Variants in CYBA observed in about 807,000 individuals in gnomAD.
CYBA encodes cytochrome b-245 alpha chain.
A neutral mutation model predicts 20.8 loss-of-function variants in CYBA; 21 were observed. The observed-to-expected ratio is 1.01, with a 90% CI of 0.72 to 1.46. CYBA has a LOEUF of 1.46. Ranked by LOEUF, CYBA falls within the 40% of genes most tolerant of loss-of-function variation. CYBA has a pLI of 0.00. For synonymous variants in CYBA, 164 were observed against 127.5 expected (o/e 1.29, Z -1.93); for missense variants, 344 against 287.0 (o/e 1.20, Z -1.43).
chr16:88,648,658 C>T (rs1907382338), intron 1 of CYBA, among the ~76,000 whole-genome samples: 1 of 151,164 alleles, frequency 6.6e-6, no homozygotes, highest in African/African-American at 2.4e-5. Flanking sequence ...TGCTCTGTCA[C>T]CCAGGCTGGA....
At position 88,644,971 on chromosome 16, in the gene CYBA, C is replaced by G. The variant is rs1907221593; in HGVS notation, c.369+1145G>C. On this transcript the variant is annotated intron_variant, in intron 5 of 5. Transcript: ENST00000261623. ...GAGTCCAAGCTCCACACGGCCAGCTCGTGCTGTGAAACTGGCAAGCGTGGG... is the reference window on the plus strand; with the variant it reads ...GAGTCCAAGCTCCACACGGCCAGCTGGTGCTGTGAAACTGGCAAGCGTGGG... 16 of 597,466 alleles carry G rather than the reference C, an allele frequency of 2.7e-5. 1 individual carries two copies. The South Asian group carries it at 3.2e-4, about 12-fold the overall frequency. The allele number at this position is 597,466 out of a possible 1,614,324, so 37.0% of individuals were successfully genotyped here. A position where few individuals can be genotyped will look rare whatever the true frequency, so the allele number is the denominator to read the frequency against.
Position 88,646,797 on chromosome 16 carries a change from G to C in CYBA, c.245C>G (p.Pro82Arg), listed in dbSNP as rs1907301852. Reference protein sequence around the residue: ...YMTAVVKLFGPFTRNYYVRAV... With the variant: ...YMTAVVKLFGRFTRNYYVRAV... ...CCGAACATAGTAATTCCTGGTAAAG[G>C]GCCCGAACAGCTTCACCACGGCGGT... Residue 82 changes from proline (P) to arginine (R), a missense_variant, in exon 4 of 6, where the codon CCC becomes CGC. By Grantham distance (103) the Pro-to-Arg change is moderately radical. Coordinates refer to ENST00000261623, the MANE Select transcript of CYBA (RefSeq NM_000101.4). 2 of 1,613,842 alleles carry C rather than the reference G, an allele frequency of 1.2e-6. No homozygotes were observed. The highest frequency in any genetic ancestry group is 8.5e-7 in the Non-Finnish European group (1 of 1,179,990).
In CYBA at chr16:88,648,079, G is replaced by T. The variant is rs568138482; in HGVS notation, c.94C>A (p.Arg32Ser). Residue 32 changes from arginine to serine, a missense_variant, in exon 2 of 6, where the codon CGC (arginine) becomes AGC (serine). Coordinates refer to ENST00000261623, the MANE Select transcript of CYBA (RefSeq NM_000101.4). ...ITGGIVATAG[R>S]FTQWYFGAYS... ...GCACCAAAGTACCACTGGGTGAAGC[G>T]CCCAGCTGTGGCCACGATGCCCCCG... 1 of 1,613,040 alleles carries T rather than the reference G, an allele frequency of 6.2e-7. No individual in the cohort carries two copies.
intron 5 of CYBA, among the ~76,000 whole-genome samples, chr16:88,644,318 C>T (rs145001042): frequency 2.8e-3 from 429 of 152,238 alleles, no homozygotes; most frequent in African/African-American, 8.9e-3. Flanking sequence ...AAGGCAGGAA[C>T]GTGAAGGCAG....
At chr16:88,648,410 T>A (rs1321934356) in intron 1 of CYBA, among the ~76,000 whole-genome samples, 1 of 150,164 alleles carries the variant, frequency 6.7e-6, no homozygotes, top group African/African-American at 2.4e-5. Context: ...GACCCCCAAA[T>A]GGACCCCCTT....
chr16:88,647,076 G>C, intron 3 of CYBA, 25 bp downstream of exon 3: 1 of 1,601,148 alleles, frequency 6.2e-7, no homozygotes, highest in East Asian at 2.2e-5. Flanking sequence ...CCCCCGGAGA[G>C]ACCCCAGAGC....
intron 1 of CYBA, among the ~76,000 whole-genome samples, chr16:88,648,653 T>C (rs991844840): frequency 9.2e-5 from 14 of 151,532 alleles, no homozygotes; most frequent in African/African-American, 2.9e-4. Flanking sequence ...AGTCTTGCTC[T>C]GTCACCCAGG....
chr16:88,645,650 C>A, intron 5 of CYBA: 1 of 589,578 alleles, frequency 1.7e-6, no homozygotes, highest in South Asian at 2.0e-5. Context: ...TAACAGGGTG[C>A]AGCAGTCATA....
In CYBA at chr16:88,643,674, G is replaced by A; in HGVS notation, c.370-103C>T. Reference sequence around the variant, plus strand: ...GCTAGGGGCCCTGGGACAGGCTCAAGTCTGAATCCCACGCAGGATGGTGTG... The same window carrying A: ...GCTAGGGGCCCTGGGACAGGCTCAAATCTGAATCCCACGCAGGATGGTGTG... On this transcript the variant is annotated intron_variant, in intron 5 of 5. Coordinates refer to ENST00000261623, the MANE Select transcript of CYBA (RefSeq NM_000101.4). This position sits in a 1 kb window ranked among gnomAD's most constrained non-coding sequence, Gnocchi z 4.3. 9.2e-7 allele frequency: 1 copy of A among 1,081,346 alleles called. No individual in the cohort carries two copies. Among genetic ancestry groups the A allele is most frequent in the Non-Finnish European group, 1.3e-6 (1 of 754,664 alleles). The allele number at this position is 1,081,346 out of a possible 1,614,324, so 67.0% of individuals were successfully genotyped here.
At chr16:88,646,263 G>A in intron 4 of CYBA, 66 bp from the exon 5 acceptor site, 3 of 814,164 alleles carry the variant, frequency 3.7e-6, no homozygotes, top group South Asian at 2.5e-5. Flanking sequence ...GGAGCCCCAG[G>A]TCTGGGGGCC....
chr16:88,645,796 T>G lies in CYBA; in HGVS notation c.369+320A>C, dbSNP rs1399971297. On this transcript the variant is annotated intron_variant, in intron 5 of 5. Transcript: ENST00000261623. Reference sequence around the variant, plus strand: ...CAGGCACGGTCTTCGGCCGGCTGCGTGACCCCAGGCCAGTCACAGCACCTC... The same window carrying G: ...CAGGCACGGTCTTCGGCCGGCTGCGGGACCCCAGGCCAGTCACAGCACCTC... The G allele has an allele frequency of 7.4e-6, 4 of 543,990 alleles. No homozygotes were observed. The African/African-American group carries it at 7.5e-5, about 10-fold the overall frequency. 33.7% of individuals were successfully genotyped at this position (543,990 alleles called of 1,614,324 possible). A position where few individuals can be genotyped will look rare whatever the true frequency, so the allele number is the denominator to read the frequency against.
At chr16:88,646,999 G>C in intron 3 of CYBA, 102 bp downstream of exon 3, 2 of 1,267,548 alleles carry the variant, frequency 1.6e-6, no homozygotes, top group Non-Finnish European at 2.2e-6. Context: ...CAAAGGGTTG[G>C]TTCCGGAGCC....
In CYBA at chr16:88,643,630, C is replaced by T. The variant is rs1268094750; in HGVS notation, c.370-59G>A. ...GCGCCCGCCCTCCCTCCCTCCCTCC[C>T]TCCCCGGAGGCCCACCCCGCTAGGG... is the stretch of plus-strand genomic sequence containing the variant. On this transcript the variant is annotated intron_variant, in intron 5 of 5. Transcript: ENST00000261623. This position sits in a 1 kb window ranked among gnomAD's most constrained non-coding sequence, Gnocchi z 4.3. The T allele has an allele frequency of 2.0e-6, 3 of 1,471,504 alleles. No individual in the cohort carries two copies. Among genetic ancestry groups the T allele is most frequent in the South Asian group, 2.4e-5 (2 of 82,428 alleles). 91.2% of individuals were successfully genotyped at this position (1,471,504 alleles called of 1,614,324 possible).
intron 2 of CYBA, chr16:88,647,763 C>G: frequency 1.8e-6 from 1 of 542,946 alleles, no homozygotes; most frequent in Non-Finnish European, 3.3e-6. Flanking sequence ...GGGATCCCAG[C>G]AGTCCAACAG....
At chr16:88,650,358 C>G in intron 1 of CYBA, 3 of 456,684 alleles carry the variant, frequency 6.6e-6, no homozygotes, top group South Asian at 4.6e-5. Flanking sequence ...AGGAGGGTGA[C>G]TGGGGGCTGT....
At chr16:88,646,939 T>A in intron 3 of CYBA, 101 bp from the exon 4 acceptor site, 1 of 1,234,056 alleles carries the variant, frequency 8.1e-7, no homozygotes, top group Non-Finnish European at 1.2e-6. Context: ...GCCTCTTTCC[T>A]CCCACAAAAC....
At chr16:88,648,590 G>T (rs987022517) in intron 1 of CYBA, among the ~76,000 whole-genome samples, 4 of 151,880 alleles carry the variant, frequency 2.6e-5, no homozygotes. Context: ...CACATTTTTG[G>T]GGGGGTATTG....
At chr16:88,646,068 G>A in intron 5 of CYBA, 48 bp downstream of exon 5, 5 of 1,475,588 alleles carry the variant, frequency 3.4e-6, no homozygotes, top group Non-Finnish European at 4.6e-6. Context: ...TCAGGGCAGG[G>A]GCTGGGGATG....
At chr16:88,645,117 C>T (rs1277183088) in intron 5 of CYBA, 1 of 695,270 alleles carries the variant, frequency 1.4e-6, no homozygotes, top group East Asian at 2.7e-5. Flanking sequence ...CCCAGCAATT[C>T]CTCTCTGGGT....
Sources: allele counts gnomAD v4.1 joint callset (sites outside exome capture counted in the v4.1 genomes callset), GRCh38; gene constraint gnomAD v4.1.1; non-coding constraint Gnocchi (gnomAD v3.1); transcripts MANE v1.5; gene names NCBI Gene and HGNC (gene_info 2026-07-23, HGNC 2026-07-21).